Variants in KCNH8 observed in about 807,000 individuals in gnomAD.
KCNH8 encodes the protein potassium voltage-gated channel subfamily H member 8.
KCNH8 carries 70 observed loss-of-function variants against 103.6 expected under a neutral mutation model. That is an observed-to-expected ratio of 0.68 (90% CI 0.56 to 0.82). The LOEUF is 0.82. Ranked by LOEUF, KCNH8 falls within the 40% of genes least tolerant of loss-of-function variation. KCNH8 has a pLI of 0.00. For missense variants in KCNH8, 1,217 were observed against 1,329.9 expected (o/e 0.92, Z 1.32); for synonymous variants, 498 against 489.4 (o/e 1.02, Z -0.23).
At chr3:19,150,986 G>A (rs1283762460) in intron 1 of KCNH8, among the ~76,000 whole-genome samples, 1 of 151,770 alleles carries the variant, frequency 6.6e-6, no homozygotes, top group African/African-American at 2.4e-5. Flanking sequence ...ATGAAAGAGG[G>A]TTTTCTTTTC....
intron 11 of KCNH8, 56 bp from the exon 12 acceptor site, chr3:19,510,307 C>T (rs2068761641): frequency 1.9e-6 from 2 of 1,068,216 alleles, no homozygotes; most frequent in Non-Finnish European, 2.9e-6. Context: ...GCATTTCACC[C>T]AGTCCCAAAC....
chr3:19,387,364 C>T (rs1361226020), intron 5 of KCNH8, among the ~76,000 whole-genome samples: 5 of 152,200 alleles, frequency 3.3e-5, no homozygotes, highest in African/African-American at 9.6e-5. Flanking sequence ...TGTCAGAAAA[C>T]ATCCTCTGTC....
intron 1 of KCNH8, among the ~76,000 whole-genome samples, chr3:19,154,442 A>C (rs1271779330): frequency 6.6e-6 from 1 of 152,170 alleles, no homozygotes; most frequent in Non-Finnish European, 1.5e-5. Context: ...TTTGGTAAAA[A>C]ACTATGGTGC....
chr3:19,468,023 T>C (rs1180173695), intron 11 of KCNH8, among the ~76,000 whole-genome samples: 1 of 152,188 alleles, frequency 6.6e-6, no homozygotes, highest in Admixed American at 6.5e-5. Context: ...CCTGTTGTGC[T>C]ACTCCTCTGC....
chr3:19,222,073 T>A (rs1316931609), intron 1 of KCNH8, among the ~76,000 whole-genome samples: 1 of 152,040 alleles, frequency 6.6e-6, no homozygotes, highest in African/African-American at 2.4e-5. Context: ...ATGGTCTTGA[T>A]CTCCTGACCC....
intron 5 of KCNH8, among the ~76,000 whole-genome samples, chr3:19,376,604 C>G (rs1161381441): frequency 1.3e-5 from 2 of 152,194 alleles, no homozygotes; most frequent in Non-Finnish European, 2.9e-5. Context: ...TGTTCCTATT[C>G]GGCCATCTTG....
chr3:19,235,265 G>A (rs891910472), intron 1 of KCNH8, among the ~76,000 whole-genome samples: 1 of 152,130 alleles, frequency 6.6e-6, no homozygotes, highest in African/African-American at 2.4e-5. Context: ...TTCATCGGGA[G>A]GGGGTAACTT....
chr3:19,533,941 A>C lies in KCNH8; in HGVS notation c.3166A>C (p.Ser1056Arg), dbSNP rs761225538. Residue 1056 changes from serine to arginine, a missense_variant, in exon 16 of 16, where the codon AGT (serine) becomes CGT (arginine). By Grantham distance (110) the Ser-to-Arg change is moderately radical. Coordinates refer to ENST00000328405, the MANE Select transcript of KCNH8 (RefSeq NM_144633.3). ...LPSRSEEGSFSQGTVSSFSLE... is the reference protein window; with the variant it reads ...LPSRSEEGSFRQGTVSSFSLE... ...AAGCAGATCAGAGGAGGGCAGCTTC[A>C]GTCAGGGAACTGTGAGTTCCTTCAG... is the stretch of plus-strand genomic sequence containing the variant. The C allele has an allele frequency of 1.9e-6, 3 of 1,614,040 alleles. No homozygotes were observed. The highest frequency in any genetic ancestry group is 2.2e-5 in the South Asian group (2 of 91,092).
At chr3:19,395,340 A>AT in intron 7 of KCNH8, 29 bp downstream of exon 7, 1 of 1,500,322 alleles carries the variant, frequency 6.7e-7, no homozygotes, top group Non-Finnish European at 9.2e-7. Flanking sequence ...CACATTTTCC[A>AT]TTTTTTAATT....
At chr3:19,177,427 A>G (rs2063411098) in intron 1 of KCNH8, among the ~76,000 whole-genome samples, 1 of 152,098 alleles carries the variant, frequency 6.6e-6, no homozygotes, top group Non-Finnish European at 1.5e-5. Flanking sequence ...TTTGGTTAAT[A>G]TACAATAGGA....
intron 3 of KCNH8, among the ~76,000 whole-genome samples, chr3:19,281,951 T>C (rs2064762329): frequency 6.6e-6 from 1 of 152,144 alleles, no homozygotes; most frequent in Admixed American, 6.6e-5. Flanking sequence ...TTGCATTTTG[T>C]ATAAGCTGAC....
At chr3:19,326,996 C>T (rs909210889) in intron 3 of KCNH8, among the ~76,000 whole-genome samples, 4 of 152,034 alleles carry the variant, frequency 2.6e-5, no homozygotes, top group Admixed American at 2.0e-4. Context: ...GGTAGAATCA[C>T]TGGGGGTCAT....
intron 1 of KCNH8, among the ~76,000 whole-genome samples, chr3:19,208,085 G>A (rs2063734715): frequency 6.6e-6 from 1 of 151,886 alleles, no homozygotes; most frequent in Non-Finnish European, 1.5e-5. Flanking sequence ...GCCTTTGCCT[G>A]TTTATCTGCT....
chr3:19,347,353 A>T (rs947402533), intron 4 of KCNH8, among the ~76,000 whole-genome samples: 2 of 152,142 alleles, frequency 1.3e-5, no homozygotes, highest in Non-Finnish European at 2.9e-5. Flanking sequence ...CTACAAGTAT[A>T]CAGAATGTTC....
chr3:19,324,525 C>T (rs551018953), intron 3 of KCNH8, among the ~76,000 whole-genome samples: 1 of 152,098 alleles, frequency 6.6e-6, no homozygotes, highest in Non-Finnish European at 1.5e-5. Flanking sequence ...TGAATTACAA[C>T]TGGAGATGAG....
chr3:19,471,438 A>G (rs2067853933), intron 11 of KCNH8, among the ~76,000 whole-genome samples: 1 of 152,190 alleles, frequency 6.6e-6, no homozygotes, highest in Non-Finnish European at 1.5e-5. Flanking sequence ...TATGAAGTGC[A>G]GTGTTTGCCC....
intron 5 of KCNH8, among the ~76,000 whole-genome samples, chr3:19,363,508 T>C (rs1267324356): frequency 1.3e-5 from 2 of 152,162 alleles, no homozygotes; most frequent in African/African-American, 4.8e-5. Flanking sequence ...AGCTTCATAA[T>C]TTTGCTGGAT....
intron 1 of KCNH8, among the ~76,000 whole-genome samples, chr3:19,252,819 T>C (rs1490240405): frequency 6.6e-6 from 1 of 152,200 alleles, no homozygotes; most frequent in Non-Finnish European, 1.5e-5. Flanking sequence ...ATTATTATTG[T>C]AGCATACCTG....
intron 1 of KCNH8, among the ~76,000 whole-genome samples, chr3:19,249,526 AT>A (rs2064249554): frequency 6.6e-6 from 1 of 152,174 alleles, no homozygotes; most frequent in South Asian, 2.1e-4. Flanking sequence ...ATAATCCTTA[AT>A]TGAAACACAC....
Sources: gnomAD v4.1 joint callset for allele counts (sites outside exome capture counted in the v4.1 genomes callset) on GRCh38, gnomAD v4.1.1 for gene constraint, MANE v1.5 for transcripts, NCBI Gene and HGNC (gene_info 2026-07-23, HGNC 2026-07-21) for gene names.